GULP1: variants seen among roughly 807,000 people sequenced by gnomAD.
The protein encoded by GULP1 is GULP PTB domain containing engulfment adaptor 1, also known as PTB domain-containing engulfment adapter protein 1.
A neutral mutation model predicts 40.9 loss-of-function variants in GULP1; 19 were observed. That is an observed-to-expected ratio of 0.46 (90% CI 0.32 to 0.68). The LOEUF is 0.68. GULP1 is among the 30% of genes least tolerant of loss of function. The probability of loss-of-function intolerance (pLI) is 0.03; values close to 1 mark genes in which losing one functional copy is unlikely to be tolerated. For missense variants in GULP1, 312 were observed against 362.2 expected (o/e 0.86, Z 1.12); for synonymous variants, 119 against 117.6 (o/e 1.01, Z -0.08).
intron 8 of GULP1, 137 bp downstream of exon 8, chr2:188,569,492 C>T (rs1358526088): frequency 1.3e-5 from 9 of 675,032 alleles, no homozygotes; most frequent in Middle Eastern, 3.7e-4. Context: ...CACCGTGTTC[C>T]CATAATTTTT....
chr2:188,354,641 C>T (rs1018846584), intron 1 of GULP1, among the ~76,000 whole-genome samples: 1 of 152,118 alleles, frequency 6.6e-6, no homozygotes, highest in African/African-American at 2.4e-5. Context: ...AGACCTGACA[C>T]AAAGAAGGAT....
At chr2:188,368,906 ATAGAAT>A (rs2047169269) in intron 1 of GULP1, among the ~76,000 whole-genome samples, 6 of 132,404 alleles carry the variant, frequency 4.5e-5, no homozygotes, top group Non-Finnish European at 9.5e-5. Flanking sequence ...GTATTAATAG[ATAGAAT>A]ATATATATAT....
chr2:188,404,335 A>G (rs2052745142), intron 2 of GULP1, among the ~76,000 whole-genome samples: 1 of 152,188 alleles, frequency 6.6e-6, no homozygotes, highest in East Asian at 1.9e-4. Context: ...AGTGTAGCAT[A>G]GAAATAAGAT....
intron 2 of GULP1, among the ~76,000 whole-genome samples, chr2:188,431,178 T>C (rs1400019738): frequency 2.6e-5 from 4 of 152,132 alleles, no homozygotes; most frequent in African/African-American, 9.7e-5. Context: ...GCTAAACATA[T>C]TAAGAAAAGC....
chr2:188,456,657 G>C lies in GULP1; in HGVS notation c.-44-21002G>C, dbSNP rs189732833. Among the ~76,000 whole-genome samples, 5 of 152,292 alleles carry C rather than the reference G, an allele frequency of 3.3e-5. No homozygotes were observed. In the East Asian group the frequency reaches 7.7e-4, roughly 24 times the overall value. ...TAGGACAGCGAGGAAGGGAAATGTG[G>C]GGTGAGAGTTCCCACACAGAGTCCC... On this transcript the variant is annotated intron_variant, in intron 2 of 11. Transcript: ENST00000409830.
intron 1 of GULP1, among the ~76,000 whole-genome samples, chr2:188,324,119 G>C (rs2040417505): frequency 6.6e-6 from 1 of 152,022 alleles, no homozygotes; most frequent in African/African-American, 2.4e-5. Context: ...GGCCTAATGA[G>C]AGGAATAAGA....
intron 4 of GULP1, among the ~76,000 whole-genome samples, chr2:188,487,219 A>G (rs914940979): frequency 7.9e-5 from 12 of 152,116 alleles, no homozygotes; most frequent in South Asian, 6.2e-4. Flanking sequence ...GAATTGTGAC[A>G]AATGTTTCAT....
At chr2:188,356,563 C>G (rs2045345973) in intron 1 of GULP1, among the ~76,000 whole-genome samples, 1 of 151,996 alleles carries the variant, frequency 6.6e-6, no homozygotes. Context: ...GGAAAGATAT[C>G]CATGTTTATG....
intron 1 of GULP1, among the ~76,000 whole-genome samples, chr2:188,366,588 CTTTTTTTTT>C (rs34745549): frequency 2.4e-5 from 2 of 84,064 alleles, no homozygotes; most frequent in African/African-American, 9.5e-5. Flanking sequence ...CAGTTACTTT[CTTTTTTTTT>C]TTTTTTTTTT....
At chr2:188,490,780 G>A (rs996634412) in intron 4 of GULP1, among the ~76,000 whole-genome samples, 1 of 151,836 alleles carries the variant, frequency 6.6e-6, no homozygotes, top group African/African-American at 2.4e-5. Flanking sequence ...TTTCTGCATC[G>A]ATGTGTTTGG....
chr2:188,432,967 T>C (rs2057036918), intron 2 of GULP1, among the ~76,000 whole-genome samples: 1 of 152,046 alleles, frequency 6.6e-6, no homozygotes, highest in Non-Finnish European at 1.5e-5. Flanking sequence ...ACTTACCAGC[T>C]TACAAAAGAA....
At chr2:188,471,588 C>T (rs1559280185) in intron 2 of GULP1, among the ~76,000 whole-genome samples, 1 of 152,072 alleles carries the variant, frequency 6.6e-6, no homozygotes, top group Non-Finnish European at 1.5e-5. Context: ...TACTTTATAA[C>T]ACATTATCTT....
chr2:188,338,194 C>T (rs916344663), intron 1 of GULP1, among the ~76,000 whole-genome samples: 1 of 151,918 alleles, frequency 6.6e-6, no homozygotes, highest in Non-Finnish European at 1.5e-5. Context: ...AACAATTCCT[C>T]TCTGAGATCA....
intron 2 of GULP1, among the ~76,000 whole-genome samples, chr2:188,386,509 A>G (rs1360534829): frequency 6.6e-6 from 1 of 152,104 alleles, no homozygotes; most frequent in Non-Finnish European, 1.5e-5. Context: ...GAGAATATGA[A>G]TTAGTGTTTT....
At chr2:188,311,737 A>C (rs1187959584) in intron 1 of GULP1, among the ~76,000 whole-genome samples, 4 of 148,022 alleles carry the variant, frequency 2.7e-5, no homozygotes, top group African/African-American at 4.9e-5. Flanking sequence ...ATATTTATAA[A>C]TCTAATATTT....
chr2:188,512,321 G>A (rs921423192), intron 4 of GULP1, among the ~76,000 whole-genome samples: 2 of 151,866 alleles, frequency 1.3e-5, no homozygotes, highest in Non-Finnish European at 2.9e-5. Context: ...TAATCTTGAA[G>A]CAATATAAAA....
At position 188,291,903 on chromosome 2, in the gene GULP1, C is replaced by CCCCGCAGTCCCG. The variant is rs1559075279; in HGVS notation, c.-435_-434insCCCGCAGTCCCG. On this transcript the variant is annotated 5_prime_UTR_variant, in exon 1 of 12. Coordinates refer to ENST00000409830, the MANE Select transcript of GULP1 (RefSeq NM_016315.4). Reference sequence around the variant, plus strand: ...CCGGCCGGGAGCGACCCGGAGTCCCCAGCCCCGCGTCCCAGCTGCCGCCAG... The same window carrying CCCCGCAGTCCCG: ...CCGGCCGGGAGCGACCCGGAGTCCCCCCCGCAGTCCCGAGCCCCGCGTCCCAGCTGCCGCCAG... The CCCCGCAGTCCCG allele has an allele frequency of 6.6e-6, 1 of 152,102 alleles. No individual in the cohort carries two copies. Among genetic ancestry groups the CCCCGCAGTCCCG allele is most frequent in the African/African-American group, 2.4e-5 (1 of 41,288 alleles). The allele number at this position is 152,102 out of a possible 1,614,324, so 9.4% of individuals were successfully genotyped here.
intron 4 of GULP1, among the ~76,000 whole-genome samples, chr2:188,494,798 T>G (rs922691579): frequency 6.6e-6 from 1 of 152,052 alleles, no homozygotes; most frequent in Non-Finnish European, 1.5e-5. Context: ...TTCTTTTTTT[T>G]CTATGTGCTC....
At chr2:188,305,652 T>A (rs1190082007) in intron 1 of GULP1, among the ~76,000 whole-genome samples, 1 of 152,228 alleles carries the variant, frequency 6.6e-6, no homozygotes, top group Non-Finnish European at 1.5e-5. Context: ...AAACAATATA[T>A]AATTATCGTG....
Sources: gnomAD v4.1 joint callset for allele counts (sites outside exome capture counted in the v4.1 genomes callset) on GRCh38, gnomAD v4.1.1 for gene constraint, MANE v1.5 for transcripts, NCBI Gene and HGNC (gene_info 2026-07-23, HGNC 2026-07-21) for gene names.